Variants in RBFOX1 observed in about 807,000 individuals in gnomAD.
RBFOX1 encodes the protein RNA binding protein fox-1 homolog 1.
Under a neutral mutation model 57.7 loss-of-function variants are expected in RBFOX1, and 8 were observed. That is an observed-to-expected ratio of 0.14 (90% CI 0.08 to 0.25). RBFOX1 has a LOEUF of 0.25. RBFOX1 is among the 10% of genes least tolerant of loss of function. The pLI is 1.00. For synonymous variants in RBFOX1, 326 were observed against 222.4 expected (o/e 1.47, Z -4.15); for missense variants, 611 against 548.5 (o/e 1.11, Z -1.14).
intron 3 of RBFOX1, among the ~76,000 whole-genome samples, chr16:6,880,060 A>G (rs1225172267): frequency 6.6e-6 from 1 of 152,180 alleles, no homozygotes; most frequent in Non-Finnish European, 1.5e-5. Flanking sequence ...ATTTTCCTCC[A>G]GATTCAACTC....
At chr16:7,677,144 C>CAT (rs2073555767) in intron 14 of RBFOX1, among the ~76,000 whole-genome samples, 1 of 151,470 alleles carries the variant, frequency 6.6e-6, no homozygotes, top group South Asian at 2.1e-4. Flanking sequence ...CACACACACA[C>CAT]ACACACACAC....
chr16:7,084,344 A>T (rs1567197666), intron 4 of RBFOX1, among the ~76,000 whole-genome samples: 2 of 151,858 alleles, frequency 1.3e-5, no homozygotes, highest in Non-Finnish European at 2.9e-5. Flanking sequence ...AGGAGGGAAG[A>T]AAGAAAAAAA....
At chr16:6,529,978 C>G (rs17140520) in intron 2 of RBFOX1, among the ~76,000 whole-genome samples, 1 of 151,878 alleles carries the variant, frequency 6.6e-6, no homozygotes, top group Admixed American at 6.6e-5. Context: ...TTTCTGGTCC[C>G]TTTTGGTTAT....
intron 1 of RBFOX1, among the ~76,000 whole-genome samples, chr16:6,230,521 A>G (rs1437838980): frequency 3.3e-5 from 5 of 152,138 alleles, no homozygotes; most frequent in Non-Finnish European, 5.9e-5. Flanking sequence ...AAACCGCCCC[A>G]AAGCCTAGAG....
chr16:5,391,940 T>A (rs2066422385), intron 1 of RBFOX1, among the ~76,000 whole-genome samples: 1 of 151,208 alleles, frequency 6.6e-6, no homozygotes, highest in South Asian at 2.1e-4. Context: ...CACAATGGAA[T>A]ACTACTCAGC....
intron 1 of RBFOX1, among the ~76,000 whole-genome samples, chr16:6,259,021 G>C (rs543971647): frequency 6.6e-6 from 1 of 152,146 alleles, no homozygotes; most frequent in African/African-American, 2.4e-5. Context: ...ACTTTCTTAT[G>C]CTCACTTTCT....
chr16:7,002,565 T>C (rs981728984), intron 3 of RBFOX1, among the ~76,000 whole-genome samples: 4 of 151,860 alleles, frequency 2.6e-5, no homozygotes, highest in Non-Finnish European at 5.9e-5. Flanking sequence ...TACAAAAATT[T>C]GCTGGGCGTG....
intron 3 of RBFOX1, among the ~76,000 whole-genome samples, chr16:6,761,262 C>T (rs945792932): frequency 6.6e-5 from 10 of 151,938 alleles, no homozygotes; most frequent in African/African-American, 9.7e-5. Context: ...TTAATCCGTC[C>T]GAAGGGCTAA....
intron 1 of RBFOX1, among the ~76,000 whole-genome samples, chr16:5,405,142 A>C (rs747364167): frequency 3.3e-5 from 5 of 152,246 alleles, no homozygotes; most frequent in African/African-American, 4.8e-5. Flanking sequence ...ACCTTGGCTC[A>C]TAGGGCTCCT....
At chr16:7,438,870 G>A (rs2098743207) in intron 4 of RBFOX1, among the ~76,000 whole-genome samples, 1 of 152,128 alleles carries the variant, frequency 6.6e-6, no homozygotes, top group South Asian at 2.1e-4. Flanking sequence ...CTCTGTCAAT[G>A]GCTGAGTGAT....
intron 4 of RBFOX1, among the ~76,000 whole-genome samples, chr16:7,278,446 T>G (rs2095481847): frequency 6.6e-6 from 1 of 152,214 alleles, no homozygotes; most frequent in African/African-American, 2.4e-5. Context: ...GCCAACCATT[T>G]AGATGATTGA....
intron 1 of RBFOX1, among the ~76,000 whole-genome samples, chr16:5,410,688 A>G (rs1189815544): frequency 6.6e-6 from 1 of 152,152 alleles, no homozygotes; most frequent in Non-Finnish European, 1.5e-5. Context: ...AACAAAATCT[A>G]TATATGGACT....
chr16:7,112,664 C>CTGTGTG (rs200903973), intron 4 of RBFOX1, among the ~76,000 whole-genome samples: 9 of 5,616 alleles, frequency 1.6e-3, no homozygotes, highest in African/African-American at 4.6e-3. Flanking sequence ...TATGTAAACT[C>CTGTGTG]TGTGTGTGTG....
At chr16:6,379,496 A>C (rs985064673) in intron 2 of RBFOX1, among the ~76,000 whole-genome samples, 1 of 152,106 alleles carries the variant, frequency 6.6e-6, no homozygotes, top group African/African-American at 2.4e-5. Flanking sequence ...CAGAGTTCAT[A>C]GGAGGGCATA....
chr16:7,509,710 T>G (rs1437726799), intron 4 of RBFOX1, among the ~76,000 whole-genome samples: 1 of 152,040 alleles, frequency 6.6e-6, no homozygotes, highest in African/African-American at 2.4e-5. Flanking sequence ...ACTCACAGTA[T>G]TTTTCAAAAT....
At chr16:7,216,617 C>T (rs146278313) in intron 4 of RBFOX1, among the ~76,000 whole-genome samples, 26 of 152,068 alleles carry the variant, frequency 1.7e-4, no homozygotes, top group South Asian at 8.3e-4. Context: ...CAGATCGTAC[C>T]GCTGTACTCC....
intron 2 of RBFOX1, among the ~76,000 whole-genome samples, chr16:6,502,753 C>T (rs192146721): frequency 5.3e-5 from 8 of 152,188 alleles, no homozygotes; most frequent in East Asian, 1.9e-4. Flanking sequence ...TAAGGTGCCC[C>T]GATGGATCAT....
At chr16:5,979,804 G>T (rs2060136517) in intron 4 of RBFOX1, among the ~76,000 whole-genome samples, 1 of 152,216 alleles carries the variant, frequency 6.6e-6, no homozygotes, top group South Asian at 2.1e-4. Flanking sequence ...AGAGGTTGCA[G>T]TGCGCCGAGA....
At chr16:5,779,487 C>T (rs143989300) in intron 3 of RBFOX1, among the ~76,000 whole-genome samples, 1 of 152,270 alleles carries the variant, frequency 6.6e-6, no homozygotes, top group South Asian at 2.1e-4. Flanking sequence ...AGCCATTTAT[C>T]TCATGGTGTG....
Sources: allele counts gnomAD v4.1 joint callset (sites outside exome capture counted in the v4.1 genomes callset), GRCh38; gene constraint gnomAD v4.1.1; transcripts MANE v1.5; gene names NCBI Gene and HGNC (gene_info 2026-07-23, HGNC 2026-07-21).